The following MARCHF8 variants were observed in gnomAD, a reference collection of about 807,000 sequenced individuals.
The protein encoded by MARCHF8 is membrane associated ring-CH-type finger 8.
Under a neutral mutation model 51.6 loss-of-function variants are expected in MARCHF8, and 40 were observed. That is an observed-to-expected ratio of 0.77 (90% confidence interval 0.60 to 1.01). The LOEUF (loss-of-function observed/expected upper bound fraction) is 1.01. Among genes scored for constraint, MARCHF8 ranks in the 50% least tolerant of loss-of-function variants. The pLI is 0.00. For synonymous variants in MARCHF8, 263 were observed against 280.3 expected (o/e 0.94, Z 0.62); for missense variants, 685 against 708.6 (o/e 0.97, Z 0.38).
At chr10:45,475,923 T>C (rs2042779178) in intron 3 of MARCHF8, among the ~76,000 whole-genome samples, 1 of 152,094 alleles carries the variant, frequency 6.6e-6, no homozygotes, top group African/African-American at 2.4e-5. Flanking sequence ...GCCTCCACCA[T>C]ACCCTAAGAT....
chr10:45,457,844 C>A lies in MARCHF8; in HGVS notation c.*395G>T, dbSNP rs558843374. 64 of 193,312 alleles carry A rather than the reference C, an allele frequency of 3.3e-4. 3 individuals are homozygous for A. The South Asian group carries it at 8.7e-3, about 26-fold the overall frequency. The allele number at this position is 193,312 out of a possible 1,614,324, so 12.0% of individuals were successfully genotyped here. ...CTTCTCGTCATGGCTAGACACTCCC[C>A]AATGCTCTGCTCCAGGCTGGGGACC... On this transcript the variant is annotated 3_prime_UTR_variant, in exon 8 of 8. Transcript: ENST00000453424.
intron 2 of MARCHF8, among the ~76,000 whole-genome samples, chr10:45,510,801 G>C (rs978651548): frequency 6.6e-6 from 1 of 152,050 alleles, no homozygotes; most frequent in Admixed American, 6.5e-5. Context: ...ATTCATCTAG[G>C]GTCTCTGGAT....
At chr10:45,527,217 C>G (rs2043808426) in intron 2 of MARCHF8, among the ~76,000 whole-genome samples, 1 of 151,976 alleles carries the variant, frequency 6.6e-6, no homozygotes, top group Admixed American at 6.5e-5. Flanking sequence ...TGACATAGTA[C>G]CTCAAGGAAC....
Position 45,457,249 on chromosome 10 carries a change from A to G in MARCHF8, c.*990T>C. The G allele has an allele frequency of 6.6e-6, 1 of 152,246 alleles. No homozygotes were observed. The highest frequency in any genetic ancestry group is 1.9e-4 in the East Asian group (1 of 5,200). 9.4% of individuals were successfully genotyped at this position (152,246 alleles called of 1,614,324 possible). On this transcript the variant is annotated 3_prime_UTR_variant, in exon 8 of 8. Transcript: ENST00000453424. ...TTTTTAAATATTCAGTTTTGTTGTC[A>G]TTACTCACTTCCTTTCCTTCCATTT...
chr10:45,584,483 G>A (rs569783657), intron 1 of MARCHF8, among the ~76,000 whole-genome samples: 11 of 151,968 alleles, frequency 7.2e-5, no homozygotes, highest in Non-Finnish European at 1.2e-4. Context: ...CTAAATATCT[G>A]ACAATATTAA....
At chr10:45,462,752 A>C (rs1842831517) in intron 5 of MARCHF8, among the ~76,000 whole-genome samples, 1 of 151,796 alleles carries the variant, frequency 6.6e-6, no homozygotes, top group Non-Finnish European at 1.5e-5. Flanking sequence ...CAGCCTCCTG[A>C]GTAGCTGGGA....
rs1444376430 is a variant in MARCHF8 at position 45,456,818 on chromosome 10, CA to C, written c.*1420del. On this transcript the variant is annotated 3_prime_UTR_variant, in exon 8 of 8. Transcript: ENST00000453424. ...AGCAGACTTTTTAGAGGGACAAGGC[CA>C]TTTGATGGTAGTGATTTTGGTTTTG... The C allele has an allele frequency of 3.9e-5, 6 of 152,134 alleles. No individual in the cohort carries two copies. The highest frequency in any genetic ancestry group is 1.4e-4 in the African/African-American group (6 of 41,422). The allele number at this position is 152,134 out of a possible 1,614,324, so 9.4% of individuals were successfully genotyped here.
chr10:45,484,530 G>C, intron 3 of MARCHF8, among the ~76,000 whole-genome samples: 1 of 152,138 alleles, frequency 6.6e-6, no homozygotes. Flanking sequence ...TTTTTCCAAG[G>C]GGGGACATTC....
intron 2 of MARCHF8, among the ~76,000 whole-genome samples, chr10:45,506,559 G>A (rs1210317182): frequency 6.6e-6 from 1 of 152,122 alleles, no homozygotes; most frequent in South Asian, 2.1e-4. Context: ...TTAAAAACTC[G>A]AACTGGTATC....
upstream of MARCHF8, among the ~76,000 whole-genome samples, chr10:45,538,012 A>G (rs1320638107): frequency 6.6e-6 from 1 of 152,160 alleles, no homozygotes; most frequent in Non-Finnish European, 1.5e-5. Flanking sequence ...GGAGATGGCT[A>G]CTGTTGCCCT....
intron 3 of MARCHF8, among the ~76,000 whole-genome samples, chr10:45,467,433 T>C (rs1211396838): frequency 3.3e-5 from 5 of 152,130 alleles, no homozygotes; most frequent in Admixed American, 6.5e-5. Flanking sequence ...ACAGCAAACA[T>C]TTCAAAGGTC....
At chr10:45,539,148 C>G (rs1207684532), upstream of MARCHF8, among the ~76,000 whole-genome samples, 1 of 152,308 alleles carries the variant, frequency 6.6e-6, no homozygotes, top group African/African-American at 2.4e-5. Context: ...CAAACTAGAA[C>G]TCAGGATTAA....
At chr10:45,460,848 T>C (rs1842762187) in intron 6 of MARCHF8, among the ~76,000 whole-genome samples, 1 of 152,238 alleles carries the variant, frequency 6.6e-6, no homozygotes, top group Non-Finnish European at 1.5e-5. Flanking sequence ...TACACTGTGC[T>C]GGGTGCTGGG....
At chr10:45,482,175 A>T (rs2042899665) in intron 3 of MARCHF8, among the ~76,000 whole-genome samples, 1 of 152,250 alleles carries the variant, frequency 6.6e-6, no homozygotes, top group Admixed American at 6.5e-5. Context: ...GGACACGAAC[A>T]AATTGAAAGA....
upstream of MARCHF8, among the ~76,000 whole-genome samples, chr10:45,537,587 AG>A (rs1007144876): frequency 4.6e-5 from 7 of 151,570 alleles, no homozygotes; most frequent in African/African-American, 1.7e-4. Flanking sequence ...CAGAAGGTTG[AG>A]GCTACAGTGA....
chr10:45,506,212 G>A (rs1294402997), intron 2 of MARCHF8, among the ~76,000 whole-genome samples: 1 of 152,144 alleles, frequency 6.6e-6, no homozygotes, highest in Non-Finnish European at 1.5e-5. Flanking sequence ...TTATTGAGCT[G>A]TATTAAGAAA....
chr10:45,516,402 C>T (rs145197139), intron 2 of MARCHF8, among the ~76,000 whole-genome samples: 172 of 152,114 alleles, frequency 1.1e-3, no homozygotes, highest in African/African-American at 4.0e-3. Context: ...CTTCCTGCCT[C>T]GGCTCCCAAA....
rs763501383 is a variant in MARCHF8, at chr10:45,458,317, A to T, written c.1644T>A (p.Tyr548Ter). Residue 548 changes from tyrosine (Y) to a stop codon, truncating the protein, a stop_gained, in exon 8 of 8, where the codon TAT (tyrosine) becomes TAA (stop). Transcript: ENST00000453424. LOFTEE classifies it high-confidence loss of function. ...TEPNFENKHG[Y>*]GICHSDTNSS... The stretch of plus-strand genomic sequence containing the variant: ...AGTTTGTGTCGGAATGACAGATTCC[A>T]TATCCATGTTTATTTTCAAAGTTGG... The T allele has an allele frequency of 6.2e-7, 1 of 1,614,176 alleles. No homozygotes were observed. The highest frequency in any genetic ancestry group is 2.2e-5 in the East Asian group (1 of 44,888).
chr10:45,546,588 C>A (rs2044125929), intron 1 of MARCHF8, among the ~76,000 whole-genome samples: 1 of 151,918 alleles, frequency 6.6e-6, no homozygotes, highest in Non-Finnish European at 1.5e-5. Context: ...TTGAGACCAG[C>A]CTGGGCCACA....
Sources: allele counts gnomAD v4.1 joint callset (sites outside exome capture counted in the v4.1 genomes callset), GRCh38; gene constraint gnomAD v4.1.1; transcripts MANE v1.5; gene names NCBI Gene and HGNC (gene_info 2026-07-23, HGNC 2026-07-21).